CDCA2: variants seen among roughly 807,000 people sequenced by gnomAD.
CDCA2 encodes cell division cycle-associated protein 2.
A neutral mutation model predicts 67.0 loss-of-function variants in CDCA2; 44 were observed. The ratio of observed to expected loss-of-function variants is 0.66; its 90% CI spans 0.52 to 0.84. The LOEUF is 0.84. Ranked by LOEUF, CDCA2 falls within the 40% of genes least tolerant of loss-of-function variation. The pLI is 0.00. For synonymous variants in CDCA2, 447 were observed against 418.7 expected (o/e 1.07, Z -0.82); for missense variants, 1,253 against 1,203.2 (o/e 1.04, Z -0.61).
chr8:25,464,984 T>TA (rs1491287784), intron 4 of CDCA2, among the ~76,000 whole-genome samples: 12 of 152,248 alleles, frequency 7.9e-5, no homozygotes, highest in African/African-American at 2.9e-4. Flanking sequence ...TATATATATA[T>TA]TTTTTCTGAG....
intron 6 of CDCA2, among the ~76,000 whole-genome samples, chr8:25,469,518 T>C (rs890105659): frequency 1.3e-5 from 2 of 152,246 alleles, no homozygotes; most frequent in African/African-American, 4.8e-5. Context: ...GTTTGGCGTT[T>C]GATTAATAAT....
rs745822175 is a variant in CDCA2 at position 25,462,131 on chromosome 8, C to T, written c.310C>T (p.Leu104=). The stretch of plus-strand genomic sequence containing the variant: ...TCGGGGCTCTCCTGAAACAAACCAT[C>T]TGATTCGTTTCATTGCTCGGCAGCA... ...GARGSPETNH[L]IRFIARQQNI... is the part of the protein sequence containing the mutation. Residue 104 remains leucine (L), a synonymous_variant, in exon 4 of 15, where the codon CTG becomes TTG. Transcript: ENST00000330560. The T allele has an allele frequency of 1.9e-6, 3 of 1,613,940 alleles. No individual in the cohort carries two copies. Among genetic ancestry groups the T allele is most frequent in the South Asian group, 2.2e-5 (2 of 91,084 alleles).
At chr8:25,459,531 T>G (rs1263797979) in intron 1 of CDCA2, 58 bp downstream of exon 1, 4 of 152,342 alleles carry the variant, frequency 2.6e-5, no homozygotes, top group Non-Finnish European at 2.9e-5. Context: ...CTAGGCACTT[T>G]GTTCGGCTTA....
At chr8:25,495,237 G>T (rs1183170241) in intron 13 of CDCA2, among the ~76,000 whole-genome samples, 1 of 152,170 alleles carries the variant, frequency 6.6e-6, no homozygotes, top group African/African-American at 2.4e-5. Context: ...CTGTTTTTCA[G>T]TTTTGATTGT....
intron 7 of CDCA2, among the ~76,000 whole-genome samples, chr8:25,472,773 T>G (rs73550814): frequency 0.01 from 1,553 of 152,318 alleles, 27 homozygotes; most frequent in African/African-American, 0.035. Context: ...CAATATGATA[T>G]TTTGATATAT....
At chr8:25,499,485 G>T (rs891216251) in intron 13 of CDCA2, among the ~76,000 whole-genome samples, 2 of 151,562 alleles carry the variant, frequency 1.3e-5, no homozygotes, top group East Asian at 3.9e-4. Flanking sequence ...TGTATTTTTG[G>T]TAGAGACGGG....
chr8:25,494,929 A>C (rs1804154938), intron 13 of CDCA2, among the ~76,000 whole-genome samples: 1 of 151,938 alleles, frequency 6.6e-6, no homozygotes, highest in African/African-American at 2.4e-5. Flanking sequence ...GGCCATCTGA[A>C]GGCCAAGGAG....
Position 25,470,626 on chromosome 8 carries a change from A to T in CDCA2, c.820+646A>T, listed in dbSNP as rs187031291. Among the ~76,000 whole-genome samples the T allele has an allele frequency of 3.9e-5, 6 of 152,354 alleles. No homozygotes were observed. In the East Asian group the frequency reaches 1.2e-3, roughly 29 times the overall value. On this transcript the variant is annotated intron_variant, in intron 7 of 14. Coordinates refer to ENST00000330560, the MANE Select transcript of CDCA2 (RefSeq NM_152562.4). ...TATTATACAATTTCACATAAAATAC[A>T]GAAACTACAAACTCTACAGATCAAT... is the stretch of plus-strand genomic sequence containing the variant.
intron 4 of CDCA2, among the ~76,000 whole-genome samples, chr8:25,465,649 GA>G (rs1397746643): frequency 6.6e-6 from 1 of 152,096 alleles, no homozygotes; most frequent in Non-Finnish European, 1.5e-5. Context: ...ATACAATCAG[GA>G]AAATTAGCTG....
rs1170062719 is a variant in CDCA2, at chr8:25,483,384, G to C, written c.1033-15G>C. On this transcript the variant is annotated splice_polypyrimidine_tract_variant and intron_variant, in intron 8 of 14. Transcript: ENST00000330560. ...TCTATATGTAAAATTATTCATTAAT[G>C]TTTATTCTGTTTAGGAACACTGTAA... 8 of 1,520,808 alleles carry C rather than the reference G, an allele frequency of 5.3e-6. No individual in the cohort carries two copies. Among genetic ancestry groups the C allele is most frequent in the Non-Finnish European group, 7.1e-6 (8 of 1,124,778 alleles). 94.2% of individuals were successfully genotyped at this position (1,520,808 alleles called of 1,614,324 possible).
chr8:25,496,387 A>G (rs1804224388), intron 13 of CDCA2, among the ~76,000 whole-genome samples: 3 of 152,202 alleles, frequency 2.0e-5, no homozygotes, highest in Admixed American at 1.3e-4. Context: ...ATAGTTGATG[A>G]GGGAAAAGTT....
chr8:25,507,434 C>T lies in CDCA2; in HGVS notation c.2768C>T (p.Thr923Ile). The T allele has an allele frequency of 6.2e-7, 1 of 1,614,092 alleles. No homozygotes were observed. Among genetic ancestry groups the T allele is most frequent in the South Asian group, 1.1e-5 (1 of 91,074 alleles). Residue 923 changes from threonine to isoleucine, a missense_variant, in exon 15 of 15, where the codon ACA (threonine) becomes ATA (isoleucine). By Grantham distance (89) the Thr-to-Ile change is moderately conservative (BLOSUM62 -1). Coordinates refer to ENST00000330560, the MANE Select transcript of CDCA2 (RefSeq NM_152562.4). Reference protein sequence around the residue: ...PSTSQKAKRRTICTFDSSGFE... With the variant: ...PSTSQKAKRRIICTFDSSGFE... ...ACTTCCCAAAAAGCCAAAAGAAGAA[C>T]AATATGTACATTTGACAGCAGTGGA...
intron 7 of CDCA2, chr8:25,472,333 C>T (rs2117495032): frequency 6.6e-6 from 1 of 152,090 alleles, no homozygotes; most frequent in East Asian, 1.9e-4. Flanking sequence ...CTCACTGCAA[C>T]CTCTGCTTCC....
chr8:25,500,569 C>G (rs1311293932), intron 13 of CDCA2, among the ~76,000 whole-genome samples: 1 of 151,954 alleles, frequency 6.6e-6, no homozygotes, highest in African/African-American at 2.4e-5. Flanking sequence ...TGCAATGGTG[C>G]AATCATAACT....
chr8:25,484,158 C>G lies in CDCA2; in HGVS notation c.1313C>G (p.Pro438Arg). The change falls in exon 10 of 15, where the codon CCT becomes CGT. Residue 438 changes from proline to arginine, a missense_variant. Pro to Arg is a moderately radical substitution (Grantham distance 103). Transcript: ENST00000330560. ...GLSSLLLEQS[P>R]VPEPLPQPDF... ...AGTTCCCTGCTGCTTGAGCAGTCACCTGTTCCTGAGCCATTACCTCAACCA... is the reference window on the plus strand; with the variant it reads ...AGTTCCCTGCTGCTTGAGCAGTCACGTGTTCCTGAGCCATTACCTCAACCA... 1 of 1,614,204 alleles carries G rather than the reference C, an allele frequency of 6.2e-7. No individual in the cohort carries two copies. The highest frequency in any genetic ancestry group is 8.5e-7 in the Non-Finnish European group (1 of 1,180,040).
chr8:25,490,786 T>G (rs560216872), intron 13 of CDCA2, among the ~76,000 whole-genome samples: 2 of 152,306 alleles, frequency 1.3e-5, no homozygotes, highest in Admixed American at 1.3e-4. Context: ...CTTGCCCTAA[T>G]GCAAATCCTG....
chr8:25,473,814 C>T (rs192097051), intron 7 of CDCA2, among the ~76,000 whole-genome samples: 9 of 152,198 alleles, frequency 5.9e-5, no homozygotes, highest in African/African-American at 2.2e-4. Context: ...ATCCAGTTTC[C>T]TACCAGTTTA....
rs762018756 is a variant in CDCA2, at chr8:25,507,520, C to T, written c.2854C>T (p.Pro952Ser). The change falls in exon 15 of 15, where the codon CCT becomes TCT. Residue 952 changes from proline to serine, a missense_variant. Pro to Ser is a moderately conservative substitution (Grantham distance 74). Transcript: ENST00000330560. ...VSSRQKPQMA[P>S]PVSDPENSQG... ...CTCCAGACAAAAACCGCAGATGGCA[C>T]CTCCCGTCTCAGATCCAGAAAACAG... is the stretch of plus-strand genomic sequence containing the variant. 4.3e-6 allele frequency: 7 copies of T among 1,613,680 alleles called. No individual in the cohort carries two copies. The highest frequency in any genetic ancestry group is 1.7e-5 in the Admixed American group (1 of 59,916).
chr8:25,486,416 A>G (rs572416617), intron 11 of CDCA2, among the ~76,000 whole-genome samples: 1 of 152,328 alleles, frequency 6.6e-6, no homozygotes, highest in East Asian at 1.9e-4. Flanking sequence ...ACTCCAAGCC[A>G]TGTGTTACTA....
Sources: allele counts gnomAD v4.1 joint callset (sites outside exome capture counted in the v4.1 genomes callset), GRCh38; gene constraint gnomAD v4.1.1; transcripts MANE v1.5; gene names NCBI Gene and HGNC (gene_info 2026-07-23, HGNC 2026-07-21).